RREB1: variants seen among roughly 807,000 people sequenced by gnomAD.
The protein encoded by RREB1 is ras responsive element binding protein 1.
A neutral mutation model predicts 117.8 loss-of-function variants in RREB1; 27 were observed. The ratio of observed to expected loss-of-function variants is 0.23; its 90% CI spans 0.17 to 0.32. RREB1 has a LOEUF of 0.32. Among genes scored for constraint, RREB1 ranks in the 10% least tolerant of loss-of-function variants. RREB1 has a pLI of 1.00. For synonymous variants in RREB1, 1,298 were observed against 1,026.7 expected, an observed-to-expected ratio of 1.26 and a Z score of -5.05; for missense variants, 2,577 against 2,378.2, an observed-to-expected ratio of 1.08 and a Z score of -1.74.
In RREB1 at chr6:7,246,700, A is replaced by G. The variant is rs1042636527; in HGVS notation, c.4250A>G (p.Asp1417Gly). 2 of 1,584,810 alleles carry G rather than the reference A, an allele frequency of 1.3e-6. No homozygotes were observed. The highest frequency in any genetic ancestry group is 8.6e-7 in the Non-Finnish European group (1 of 1,166,036). The change falls in exon 12 of 13, where the codon GAC becomes GGC. Residue 1417 changes from aspartate (D) to glycine (G), a missense_variant. By Grantham distance (94) the Asp-to-Gly change is moderately conservative (BLOSUM62 -1). Coordinates refer to ENST00000379938, the MANE Select transcript of RREB1 (RefSeq NM_001003699.4). ...EEDASSNQSL[D>G]LDFATKLMDF... is the part of the protein sequence containing the mutation. The stretch of plus-strand genomic sequence containing the variant: ...GACGCGTCGAGCAACCAGAGCCTGG[A>G]CCTGGACTTCGCCACCAAGCTCATG...
chr6:7,162,423 T>C (rs1381816331), intron 1 of RREB1, among the ~76,000 whole-genome samples: 1 of 152,232 alleles, frequency 6.6e-6, no homozygotes, highest in Non-Finnish European at 1.5e-5. Flanking sequence ...GCCCTCGCCT[T>C]GCACTCAGTG....
At chr6:7,170,682 C>T (rs1417554385) in intron 1 of RREB1, among the ~76,000 whole-genome samples, 1 of 152,234 alleles carries the variant, frequency 6.6e-6, no homozygotes, top group Non-Finnish European at 1.5e-5. Flanking sequence ...TAGATCCATT[C>T]CTCCCTGTCC....
intron 1 of RREB1, among the ~76,000 whole-genome samples, chr6:7,156,210 G>A (rs1381837318): frequency 6.6e-6 from 1 of 152,176 alleles, no homozygotes; most frequent in African/African-American, 2.4e-5. Flanking sequence ...GGAGAGGGAG[G>A]AAATTATTTG....
At chr6:7,154,506 GATA>G (rs1008163750) in intron 1 of RREB1, among the ~76,000 whole-genome samples, 20 of 152,218 alleles carry the variant, frequency 1.3e-4, no homozygotes, top group African/African-American at 4.8e-4. Flanking sequence ...GCATGTATAT[GATA>G]ATAAAAAGCA....
intron 1 of RREB1, among the ~76,000 whole-genome samples, chr6:7,165,936 A>G (rs1763907027): frequency 6.6e-6 from 1 of 152,158 alleles, no homozygotes; most frequent in South Asian, 2.1e-4. Flanking sequence ...ATGAACCCAC[A>G]CTTAAGAGCC....
intron 6 of RREB1, among the ~76,000 whole-genome samples, chr6:7,192,355 G>A (rs1286683716): frequency 1.3e-5 from 2 of 151,652 alleles, no homozygotes; most frequent in Non-Finnish European, 2.9e-5. Flanking sequence ...ACCACTCCTG[G>A]CTAATTTTTG....
rs1199346823 is a variant in RREB1 at position 7,229,873 on chromosome 6, A to G, written c.1774A>G (p.Met592Val). The G allele has an allele frequency of 5.0e-6, 8 of 1,610,672 alleles. No individual in the cohort carries two copies. The highest frequency in any genetic ancestry group is 6.8e-6 in the Non-Finnish European group (8 of 1,178,572). The change falls in exon 10 of 13, where the codon ATG (methionine) becomes GTG (valine). Residue 592 changes from methionine to valine, a missense_variant. By Grantham distance (21) the Met-to-Val change is conservative (BLOSUM62 1). Transcript: ENST00000379938. This position sits in a 1 kb window ranked among gnomAD's most constrained non-coding sequence, Gnocchi z 4.5. Reference protein sequence around the residue: ...PRAELPGQPEMKTQLEQDSII... With the variant: ...PRAELPGQPEVKTQLEQDSII... Reference sequence around the variant, plus strand: ...GGCGGAGCTGCCGGGCCAGCCTGAGATGAAGACGCAGCTGGAGCAGGACAG... The same window carrying G: ...GGCGGAGCTGCCGGGCCAGCCTGAGGTGAAGACGCAGCTGGAGCAGGACAG...
chr6:7,146,897 T>C lies in RREB1; in HGVS notation c.-284-29758T>C, dbSNP rs185261913. 1.9e-3 allele frequency among the ~76,000 whole-genome samples: 296 copies of C among 152,286 alleles called. 2 individuals are homozygous for C. Among genetic ancestry groups the C allele is most frequent in the Non-Finnish European group, 1.8e-3 (125 of 68,022 alleles). On this transcript the variant is annotated intron_variant, in intron 1 of 12. Coordinates refer to ENST00000379938, the MANE Select transcript of RREB1 (RefSeq NM_001003699.4). ...TCTGGCACTCTGAAAGCTAAGGAAC[T>C]GTATTGTCATGGCAGAAGAAACAAT...
chr6:7,220,871 C>T (rs992841391), intron 8 of RREB1, among the ~76,000 whole-genome samples: 2 of 152,192 alleles, frequency 1.3e-5, no homozygotes, highest in Non-Finnish European at 2.9e-5. Context: ...TGGCTGTGGT[C>T]TTAATGGAGA....
intron 1 of RREB1, among the ~76,000 whole-genome samples, chr6:7,164,106 T>G (rs1256957729): frequency 6.6e-6 from 1 of 152,152 alleles, no homozygotes; most frequent in African/African-American, 2.4e-5. Flanking sequence ...TCGCCACACA[T>G]GCCCTGTCTG....
chr6:7,120,022 C>T (rs1255404323), intron 1 of RREB1, among the ~76,000 whole-genome samples: 2 of 152,012 alleles, frequency 1.3e-5, no homozygotes, highest in South Asian at 2.1e-4. Flanking sequence ...GACAGTGAAA[C>T]GCTGGATTAG....
At position 7,210,833 on chromosome 6, in the gene RREB1, A is replaced by T. The variant is rs761103764; in HGVS notation, c.455A>T (p.Asn152Ile). 6.2e-7 allele frequency: 1 copy of T among 1,614,098 alleles called. No homozygotes were observed. The highest frequency in any genetic ancestry group is 2.2e-5 in the East Asian group (1 of 44,890). Reference sequence around the variant, plus strand: ...ATGAAGATCCATGAGAAGGACCCTAACAGTGCCACAGCCACAGCCCCTCCA... The same window carrying T: ...ATGAAGATCCATGAGAAGGACCCTATCAGTGCCACAGCCACAGCCCCTCCA... ...RHMKIHEKDP[N>I]SATATAPPSP... is the part of the protein sequence containing the mutation. Residue 152 changes from asparagine to isoleucine, a missense_variant, in exon 7 of 13, where the codon AAC becomes ATC. Asn to Ile is a moderately radical substitution (Grantham distance 149, BLOSUM62 -3). Transcript: ENST00000379938.
rs756431510 is a variant in RREB1 at position 7,189,332 on chromosome 6, G to A, written c.425+10G>A. ...ATGGGAACATGCACAGGTGGGTGAG[G>A]GCGCCCTTTGCTTGGGGGGTTGGCT... On this transcript the variant is annotated intron_variant, in intron 6 of 12. Coordinates refer to ENST00000379938, the MANE Select transcript of RREB1 (RefSeq NM_001003699.4). 6 of 1,563,854 alleles carry A rather than the reference G, an allele frequency of 3.8e-6. No individual in the cohort carries two copies. The highest frequency in any genetic ancestry group is 1.9e-5 in the Admixed American group (1 of 53,422).
intron 6 of RREB1, among the ~76,000 whole-genome samples, chr6:7,198,288 G>T (rs1765765810): frequency 6.6e-6 from 1 of 152,176 alleles, no homozygotes; most frequent in African/African-American, 2.4e-5. Context: ...AAAGTATCAG[G>T]ACAGTTCACA....
At chr6:7,140,073 A>T (rs1205175316) in intron 1 of RREB1, among the ~76,000 whole-genome samples, 2 of 152,096 alleles carry the variant, frequency 1.3e-5, no homozygotes, top group Non-Finnish European at 2.9e-5. Context: ...TGGATTTTGA[A>T]TTTTTTTTAA....
chr6:7,196,220 T>G (rs1194567810), intron 6 of RREB1, among the ~76,000 whole-genome samples: 53 of 22,988 alleles, frequency 2.3e-3, no homozygotes, highest in African/African-American at 0.013. Flanking sequence ...TTTTTTTCGT[T>G]TTTTTTTTTT....
In RREB1 at chr6:7,246,995, G is replaced by C. The variant is rs759699945; in HGVS notation, c.4545G>C (p.Gly1515=). ...TGGTGGAGTCGGCCCCGGGTGCCGG[G>C]GAGGCCCCGGCGGAAAAGCTCGCGG... ...AEVVESAPGA[G]EAPAEKLAEE... is the part of the protein sequence containing the mutation. The change falls in exon 12 of 13, where the codon GGG becomes GGC. Residue 1515 remains glycine, a synonymous_variant. Transcript: ENST00000379938. 6.3e-7 allele frequency: 1 copy of C among 1,598,100 alleles called. No individual in the cohort carries two copies. Among genetic ancestry groups the C allele is most frequent in the Non-Finnish European group, 8.5e-7 (1 of 1,172,802 alleles).
chr6:7,135,214 A>G (rs1467263248), intron 1 of RREB1, among the ~76,000 whole-genome samples: 5 of 152,232 alleles, frequency 3.3e-5, no homozygotes, highest in Admixed American at 1.3e-4. Flanking sequence ...GGGTAGAATT[A>G]TCTTCCTTGT....
intron 1 of RREB1, among the ~76,000 whole-genome samples, chr6:7,143,843 TTTTC>T (rs1561742343): frequency 8.3e-6 from 1 of 120,922 alleles, no homozygotes. Flanking sequence ...TGCAGCCTTT[TTTTC>T]TTTCTTTTTT....
Sources: gnomAD v4.1 joint callset for allele counts (sites outside exome capture counted in the v4.1 genomes callset) on GRCh38, gnomAD v4.1.1 for gene constraint, Gnocchi (gnomAD v3.1) non-coding constraint, MANE v1.5 for transcripts, NCBI Gene and HGNC (gene_info 2026-07-23, HGNC 2026-07-21) for gene names.